PARD3B: variants seen among roughly 807,000 people sequenced by gnomAD.
PARD3B encodes partitioning defective 3 homolog B.
Under a neutral mutation model 130.2 loss-of-function variants are expected in PARD3B, and 103 were observed. The ratio of observed to expected loss-of-function variants is 0.79; its 90% CI spans 0.67 to 0.93. The LOEUF (loss-of-function observed/expected upper bound fraction) is 0.93. PARD3B is among the 40% of genes least tolerant of loss of function. PARD3B has a pLI of 0.00. For missense variants in PARD3B, 1,609 were observed against 1,499.2 expected (o/e 1.07, Z -1.21); for synonymous variants, 583 against 553.2 (o/e 1.05, Z -0.76).
chr2:205,238,602 C>T (rs531885327), intron 15 of PARD3B, among the ~76,000 whole-genome samples: 15 of 151,756 alleles, frequency 9.9e-5, no homozygotes, highest in Non-Finnish European at 1.3e-4. Context: ...GAGGCTGAGG[C>T]GGGTGTATCA....
intron 15 of PARD3B, among the ~76,000 whole-genome samples, chr2:205,207,395 C>CA (rs1323691347): frequency 6.8e-6 from 1 of 147,650 alleles, no homozygotes; most frequent in African/African-American, 2.6e-5. Context: ...AATAGAGACA[C>CA]AAAAAACCCT....
chr2:205,600,773 C>T (rs2054752909), intron 22 of PARD3B, among the ~76,000 whole-genome samples: 1 of 152,176 alleles, frequency 6.6e-6, no homozygotes, highest in South Asian at 2.1e-4. Context: ...TCTGTTCCTG[C>T]ATCAGTTTGC....
chr2:205,035,112 C>A (rs541314583), intron 3 of PARD3B, among the ~76,000 whole-genome samples: 8 of 152,100 alleles, frequency 5.3e-5, no homozygotes, highest in Admixed American at 6.6e-5. Flanking sequence ...ATCCCCCCCC[C>A]TCAGCCTCCC....
At chr2:204,976,505 G>A (rs1467826836) in intron 3 of PARD3B, among the ~76,000 whole-genome samples, 1 of 151,260 alleles carries the variant, frequency 6.6e-6, no homozygotes, top group African/African-American at 2.4e-5. Context: ...CATAATAGGT[G>A]GTATATAAAT....
intron 18 of PARD3B, among the ~76,000 whole-genome samples, chr2:205,307,646 G>A (rs897631230): frequency 8.5e-5 from 13 of 152,082 alleles, no homozygotes; most frequent in African/African-American, 3.1e-4. Context: ...GATTTTTCTA[G>A]GAGCCAAAGA....
chr2:204,693,097 T>C (rs1254893511), intron 2 of PARD3B, among the ~76,000 whole-genome samples: 1 of 152,046 alleles, frequency 6.6e-6, no homozygotes, highest in African/African-American at 2.4e-5. Context: ...TTGACATCCT[T>C]GTTTTTGTTG....
intron 20 of PARD3B, among the ~76,000 whole-genome samples, chr2:205,442,923 G>T: frequency 6.6e-6 from 1 of 152,262 alleles, no homozygotes; most frequent in Admixed American, 6.5e-5. Context: ...TATTAAAAGT[G>T]ATCTAAAGCT....
chr2:205,502,385 G>A (rs1185365408), intron 21 of PARD3B, among the ~76,000 whole-genome samples: 2 of 152,186 alleles, frequency 1.3e-5, no homozygotes, highest in Non-Finnish European at 2.9e-5. Flanking sequence ...TGAAGGGGAA[G>A]AATGGGCCCA....
intron 20 of PARD3B, among the ~76,000 whole-genome samples, chr2:205,474,904 T>A (rs928356935): frequency 1.8e-4 from 28 of 152,288 alleles, no homozygotes; most frequent in African/African-American, 6.0e-4. Flanking sequence ...GGTTAAGCAT[T>A]TTTATAGAAG....
At chr2:205,278,402 G>C (rs1036117012) in intron 16 of PARD3B, among the ~76,000 whole-genome samples, 7 of 151,658 alleles carry the variant, frequency 4.6e-5, no homozygotes, top group Admixed American at 2.0e-4. Context: ...TGATAGGCTT[G>C]GGGGGGAGAG....
At chr2:204,569,835 G>A (rs1261285933) in intron 1 of PARD3B, among the ~76,000 whole-genome samples, 1 of 152,212 alleles carries the variant, frequency 6.6e-6, no homozygotes, top group African/African-American at 2.4e-5. Context: ...GATGCTTAAT[G>A]TGGGGATGCT....
intron 22 of PARD3B, among the ~76,000 whole-genome samples, chr2:205,578,314 A>G (rs9288370): frequency 0.16 from 24,392 of 152,128 alleles, 2,110 homozygotes; most frequent in East Asian, 0.33. Context: ...ATGTCATCCA[A>G]AGCAAGAGGT....
At chr2:205,273,715 A>G (rs775495633) in intron 16 of PARD3B, among the ~76,000 whole-genome samples, 1 of 152,216 alleles carries the variant, frequency 6.6e-6, no homozygotes, top group Non-Finnish European at 1.5e-5. Context: ...TTCATCAGTC[A>G]TGTGTTCACT....
In PARD3B at chr2:205,268,310, T is replaced by C. The variant is rs549471297; in HGVS notation, c.2185+22488T>C. On this transcript the variant is annotated intron_variant, in intron 16 of 22. Transcript: ENST00000406610. The surrounding 1 kb of genome is among the most constrained non-coding windows in gnomAD (Gnocchi z 4.1). ...AGACTGATTAAGCTCACTCATATAA[T>C]TGGTTTTTGAGAACGGTTCCAATAT... is the stretch of plus-strand genomic sequence containing the variant. 1.3e-4 allele frequency among the ~76,000 whole-genome samples: 20 copies of C among 152,370 alleles called. No homozygotes were observed. The highest frequency in any genetic ancestry group is 2.6e-4 in the Admixed American group (4 of 15,306).
intron 21 of PARD3B, among the ~76,000 whole-genome samples, chr2:205,536,739 T>C (rs1053853750): frequency 1.2e-4 from 18 of 152,158 alleles, no homozygotes; most frequent in Non-Finnish European, 2.4e-4. Context: ...GTTGGTGCTA[T>C]TTTCCATACC....
intron 12 of PARD3B, among the ~76,000 whole-genome samples, chr2:205,174,706 G>A (rs188443866): frequency 6.6e-6 from 1 of 152,214 alleles, no homozygotes; most frequent in South Asian, 2.1e-4. Context: ...ATACCAAAAT[G>A]GTTGCTTGAA....
chr2:205,535,119 C>G (rs943454364), intron 21 of PARD3B, among the ~76,000 whole-genome samples: 1 of 152,184 alleles, frequency 6.6e-6, no homozygotes, highest in Non-Finnish European at 1.5e-5. Context: ...ATCTGCTCTG[C>G]CCCTTTCTCA....
intron 1 of PARD3B, among the ~76,000 whole-genome samples, chr2:204,571,098 TTATTTC>T (rs2031979001): frequency 6.6e-6 from 1 of 152,186 alleles, no homozygotes; most frequent in Non-Finnish European, 1.5e-5. Context: ...TCTGGATACT[TTATTTC>T]TACTACTTCA....
chr2:205,539,626 T>G (rs757745685), intron 21 of PARD3B, among the ~76,000 whole-genome samples: 3 of 152,198 alleles, frequency 2.0e-5, no homozygotes, highest in Non-Finnish European at 2.9e-5. Flanking sequence ...TGTTTTTTAT[T>G]TTAACAATGG....
Sources: allele counts gnomAD v4.1 joint callset (sites outside exome capture counted in the v4.1 genomes callset), GRCh38; gene constraint gnomAD v4.1.1; non-coding constraint Gnocchi (gnomAD v3.1); transcripts MANE v1.5; gene names NCBI Gene and HGNC (gene_info 2026-07-23, HGNC 2026-07-21).